KHDRBS2: variants seen among roughly 807,000 people sequenced by gnomAD.
KHDRBS2 encodes KH RNA binding domain containing, signal transduction associated 2.
KHDRBS2 carries 26 observed loss-of-function variants against 44.3 expected under a neutral mutation model. The ratio of observed to expected loss-of-function variants is 0.59; its 90% CI spans 0.43 to 0.81. The LOEUF is 0.81. KHDRBS2 is among the 40% of genes least tolerant of loss of function. KHDRBS2 has a pLI of 0.00. For missense variants in KHDRBS2, 476 were observed against 433.1 expected (o/e 1.10, Z -0.88); for synonymous variants, 194 against 151.1 (o/e 1.28, Z -2.08).
At chr6:61,612,477 G>A in the KHDRBS2 span, among the ~76,000 whole-genome samples, 1,548 of 152,254 alleles carry the variant, frequency 0.01, 12 homozygotes, top group Non-Finnish European at 0.015. Context: ...TCATGTCACA[G>A]TTTTCTTAAC....
the KHDRBS2 span, among the ~76,000 whole-genome samples, chr6:61,609,619 T>A: frequency 6.6e-6 from 1 of 152,168 alleles, no homozygotes; most frequent in Non-Finnish European, 1.5e-5. Context: ...TTTTCTAAAA[T>A]CAGCTAGTCA....
At chr6:62,072,737 G>A (rs1795451546) in intron 2 of KHDRBS2, among the ~76,000 whole-genome samples, 1 of 152,088 alleles carries the variant, frequency 6.6e-6, no homozygotes, top group African/African-American at 2.4e-5. Flanking sequence ...GCTGGATTCG[G>A]TTTGCCATTA....
chr6:61,797,870 C>T (rs893300730), intron 6 of KHDRBS2, among the ~76,000 whole-genome samples: 1 of 151,558 alleles, frequency 6.6e-6, no homozygotes, highest in African/African-American at 2.4e-5. Context: ...TTCCTTTTCT[C>T]AACTTTTATT....
chr6:61,651,808 A>T, the KHDRBS2 span, among the ~76,000 whole-genome samples: 30,757 of 152,068 alleles, frequency 0.2, 3,601 homozygotes, highest in South Asian at 0.33. Flanking sequence ...TGCTATAAGT[A>T]TGTTCTAAAG....
At chr6:61,768,521 C>G (rs1248257914) in intron 6 of KHDRBS2, among the ~76,000 whole-genome samples, 1 of 151,990 alleles carries the variant, frequency 6.6e-6, no homozygotes, top group Admixed American at 6.5e-5. Flanking sequence ...TTTTCTAGAT[C>G]TTGTATGTAT....
intron 6 of KHDRBS2, among the ~76,000 whole-genome samples, chr6:61,804,363 C>T (rs755372103): frequency 1.3e-5 from 2 of 152,102 alleles, no homozygotes; most frequent in African/African-American, 4.8e-5. Flanking sequence ...CAGGGTACAA[C>T]CCCCCTCCCA....
intron 4 of KHDRBS2, among the ~76,000 whole-genome samples, chr6:61,915,354 C>T (rs543224291): frequency 3.3e-5 from 5 of 152,044 alleles, no homozygotes; most frequent in Non-Finnish European, 7.4e-5. Context: ...CAAGTCATAT[C>T]TGTCCTCATT....
the KHDRBS2 span, among the ~76,000 whole-genome samples, chr6:61,618,806 C>T: frequency 6.6e-6 from 1 of 152,138 alleles, no homozygotes; most frequent in Non-Finnish European, 1.5e-5. Context: ...AGCTAATTAG[C>T]CTTTCAGTTG....
chr6:62,133,114 G>T (rs566928665), intron 2 of KHDRBS2, among the ~76,000 whole-genome samples: 94 of 152,256 alleles, frequency 6.2e-4, no homozygotes, highest in Admixed American at 2.0e-3. Context: ...AAAGACAAGA[G>T]ATAACAAATG....
At chr6:61,615,298 A>C in the KHDRBS2 span, among the ~76,000 whole-genome samples, 137 of 151,876 alleles carry the variant, frequency 9.0e-4, no homozygotes, top group African/African-American at 3.1e-3. Flanking sequence ...GTTACTAGTT[A>C]CTACAGATAA....
intron 2 of KHDRBS2, among the ~76,000 whole-genome samples, chr6:62,049,712 T>G (rs1215381289): frequency 1.3e-5 from 2 of 152,014 alleles, no homozygotes; most frequent in African/African-American, 4.8e-5. Flanking sequence ...TCTCCTGTTC[T>G]GTAGGTTGCC....
chr6:62,277,445 C>T (rs981690013), intron 1 of KHDRBS2, among the ~76,000 whole-genome samples: 3 of 151,956 alleles, frequency 2.0e-5, no homozygotes, highest in Non-Finnish European at 2.9e-5. Context: ...GGGTTCACAC[C>T]ATTCTCCTGC....
At chr6:62,220,276 A>G (rs996552496) in intron 1 of KHDRBS2, among the ~76,000 whole-genome samples, 8 of 151,938 alleles carry the variant, frequency 5.3e-5, no homozygotes, top group African/African-American at 7.2e-5. Context: ...AAATAGTAAC[A>G]TATTTCTTCT....
intron 2 of KHDRBS2, among the ~76,000 whole-genome samples, chr6:62,071,051 T>A (rs1448163505): frequency 6.6e-6 from 1 of 152,220 alleles, no homozygotes; most frequent in Non-Finnish European, 1.5e-5. Flanking sequence ...TGAGATGGTA[T>A]CTCATTGTGG....
chr6:61,614,866 C>T, the KHDRBS2 span, among the ~76,000 whole-genome samples: 1 of 152,160 alleles, frequency 6.6e-6, no homozygotes, highest in Non-Finnish European at 1.5e-5. Flanking sequence ...CCTCAAGGAA[C>T]TGCAGTTTTT....
the KHDRBS2 span, among the ~76,000 whole-genome samples, chr6:61,552,046 G>A: frequency 6.6e-6 from 1 of 151,708 alleles, no homozygotes; most frequent in African/African-American, 2.4e-5. Context: ...TCAGCTCAAG[G>A]AGCTTTGGGC....
intron 3 of KHDRBS2, among the ~76,000 whole-genome samples, chr6:61,979,161 G>C (rs1448180556): frequency 6.6e-6 from 1 of 152,020 alleles, no homozygotes; most frequent in Non-Finnish European, 1.5e-5. Context: ...TTCAGATTAT[G>C]AAACTGTGGT....
chr6:61,781,991 C>T (rs950499541), intron 6 of KHDRBS2, among the ~76,000 whole-genome samples: 1 of 152,040 alleles, frequency 6.6e-6, no homozygotes, highest in Admixed American at 6.6e-5. Flanking sequence ...TTGAGGAACT[C>T]CAGGTAGGGA....
chr6:61,747,099 A>C (rs1776982932), intron 6 of KHDRBS2, among the ~76,000 whole-genome samples: 2 of 152,256 alleles, frequency 1.3e-5, no homozygotes, highest in South Asian at 2.1e-4. Flanking sequence ...TTTAAGAAGA[A>C]GACATTTATG....
Sources: allele counts gnomAD v4.1 joint callset (sites outside exome capture counted in the v4.1 genomes callset), GRCh38; gene constraint gnomAD v4.1.1; transcripts MANE v1.5; gene names NCBI Gene and HGNC (gene_info 2026-07-23, HGNC 2026-07-21).